Variants in SP2 observed in about 807,000 individuals in gnomAD.
The protein encoded by SP2 is Sp2 transcription factor, also known as transcription factor Sp2.
A neutral mutation model predicts 50.1 loss-of-function variants in SP2; 9 were observed. The observed-to-expected ratio is 0.18, with a 90% CI of 0.11 to 0.31. SP2 has a LOEUF of 0.31. Ranked by LOEUF, SP2 falls within the 10% of genes least tolerant of loss-of-function variation. The probability of loss-of-function intolerance (pLI) is 1.00; values close to 1 mark genes in which losing one functional copy is unlikely to be tolerated. For synonymous variants in SP2, 313 were observed against 326.6 expected, an observed-to-expected ratio of 0.96 and a Z score of 0.45; for missense variants, 581 against 806.5, an observed-to-expected ratio of 0.72 and a Z score of 3.39.
intron 4 of SP2, among the ~76,000 whole-genome samples, chr17:47,923,811 T>TGACAATG: frequency 2.0e-5 from 3 of 151,632 alleles, no homozygotes; most frequent in Admixed American, 1.3e-4. Flanking sequence ...TGGTGCGATC[T>TGACAATG]CTGCTTCAGC....
At chr17:47,913,717 T>C (rs1376418127) in intron 1 of SP2, among the ~76,000 whole-genome samples, 1 of 152,142 alleles carries the variant, frequency 6.6e-6, no homozygotes, top group Non-Finnish European at 1.5e-5. Flanking sequence ...CTCTTTTGGA[T>C]GACTTAAGTG....
At chr17:47,925,258 A>G (rs922666411) in intron 5 of SP2, 90 bp from the exon 6 acceptor site, 9 of 1,428,008 alleles carry the variant, frequency 6.3e-6, no homozygotes, top group African/African-American at 5.6e-5. Context: ...CTGACCCCAC[A>G]TCCTCACTGC....
In SP2 at chr17:47,925,537, C is replaced by T. The variant is rs774050794; in HGVS notation, c.1737C>T (p.His579=). The T allele has an allele frequency of 2.5e-6, 4 of 1,613,382 alleles. No homozygotes were observed. Among genetic ancestry groups the T allele is most frequent in the Non-Finnish European group, 3.4e-6 (4 of 1,179,672 alleles). The change falls in exon 6 of 7, where the codon CAC becomes CAT. Residue 579 remains histidine (H), a synonymous_variant. Transcript: ENST00000376741. ...AGCTCCAACGGCATGCTCGCACCCACACAGGTCAGCCCCCTGCCTTCGGGA... is the reference window on the plus strand; with the variant it reads ...AGCTCCAACGGCATGCTCGCACCCATACAGGTCAGCCCCCTGCCTTCGGGA... ...SDELQRHART[H]TGDKRFECAQ... is the part of the protein sequence containing the mutation.
downstream of SP2, among the ~76,000 whole-genome samples, chr17:47,929,473 G>C (rs1388898945): frequency 6.6e-6 from 1 of 152,232 alleles, no homozygotes; most frequent in Admixed American, 6.5e-5. Context: ...GTTCCTGGGA[G>C]GGCTTGGCAG....
intron 1 of SP2, among the ~76,000 whole-genome samples, chr17:47,902,930 A>G (rs1229377517): frequency 6.6e-6 from 1 of 151,990 alleles, no homozygotes; most frequent in African/African-American, 2.4e-5. Flanking sequence ...TAATTTTTGT[A>G]TTTTTAGTAG....
chr17:47,912,403 C>T (rs2035026803), intron 1 of SP2, among the ~76,000 whole-genome samples: 1 of 151,770 alleles, frequency 6.6e-6, no homozygotes, highest in Non-Finnish European at 1.5e-5. Flanking sequence ...GCTTTCTTAC[C>T]AGCTCATCAC....
downstream of SP2, among the ~76,000 whole-genome samples, chr17:47,930,868 T>A (rs1298876418): frequency 1.3e-5 from 2 of 152,148 alleles, no homozygotes; most frequent in Non-Finnish European, 1.5e-5. Context: ...CAGCTGACAC[T>A]TGGCATTGTG....
chr17:47,909,888 C>A lies in SP2; in HGVS notation c.8-5424C>A, dbSNP rs1015483063. On this transcript the variant is annotated intron_variant, in intron 1 of 6. Transcript: ENST00000376741. ...TTTGATACCGAGTCTTGCTCTGTTA[C>A]CCAGGCTGGAGTGCAGTGGCACCAT... Among the ~76,000 whole-genome samples the A allele has an allele frequency of 6.3e-4, 96 of 152,170 alleles. 4 individuals are homozygous for A. Among genetic ancestry groups the A allele is most frequent in the Non-Finnish European group, 1.5e-5 (1 of 68,028 alleles).
At chr17:47,909,973 A>C (rs1191651794) in intron 1 of SP2, among the ~76,000 whole-genome samples, 1 of 152,108 alleles carries the variant, frequency 6.6e-6, no homozygotes, top group Non-Finnish European at 1.5e-5. Context: ...TCAGCCTCCC[A>C]AGTAGCTGGG....
intron 1 of SP2, 61 bp downstream of exon 1, chr17:47,896,354 G>A (rs1015683301): frequency 1.6e-6 from 2 of 1,222,638 alleles, no homozygotes; most frequent in Admixed American, 4.2e-5. Flanking sequence ...AAGACGGGCA[G>A]AGGCCGCGGG....
chr17:47,918,394 G>GTTA (rs2035299391), intron 3 of SP2: 1 of 152,070 alleles, frequency 6.6e-6, no homozygotes, highest in Non-Finnish European at 1.5e-5. Flanking sequence ...ATGTTGCCAG[G>GTTA]TGATTTTTTA....
chr17:47,899,186 G>A (rs2143752922), intron 1 of SP2: 1 of 152,290 alleles, frequency 6.6e-6, no homozygotes, highest in South Asian at 2.1e-4. Context: ...TTTCTGAAAT[G>A]TAGTTGAGTG....
At chr17:47,929,196 G>T (rs1210955819), downstream of SP2, among the ~76,000 whole-genome samples, 2 of 152,270 alleles carry the variant, frequency 1.3e-5, no homozygotes, top group African/African-American at 4.8e-5. Context: ...AGGTGTTCCT[G>T]CCTTTTTCTT....
chr17:47,916,044 G>A lies in SP2; in HGVS notation c.85-112G>A, dbSNP rs1036806017. ...AGGGTACTGGCAACATGCCTGCCCC[G>A]GAGGTGGGGAAGACTGGCGTGGAAT... On this transcript the variant is annotated intron_variant, in intron 2 of 6. Coordinates refer to ENST00000376741, the MANE Select transcript of SP2 (RefSeq NM_003110.6). The surrounding 1 kb of genome is among the most constrained non-coding windows in gnomAD (Gnocchi z 4.7). The A allele has an allele frequency of 1.2e-5, 16 of 1,280,222 alleles. No homozygotes were observed. The highest frequency in any genetic ancestry group is 7.0e-5 in the East Asian group (3 of 43,112). The allele number at this position is 1,280,222 out of a possible 1,614,324, so 79.3% of individuals were successfully genotyped here. A position where few individuals can be genotyped will look rare whatever the true frequency, so the allele number is the denominator to read the frequency against.
chr17:47,896,340 C>T, intron 1 of SP2, 47 bp downstream of exon 1: 1 of 1,232,982 alleles, frequency 8.1e-7, no homozygotes. Context: ...CCCCAAGGGT[C>T]AGGAAGACGG....
intron 3 of SP2, among the ~76,000 whole-genome samples, chr17:47,920,764 T>G (rs2035423729): frequency 6.6e-6 from 1 of 152,222 alleles, no homozygotes; most frequent in Non-Finnish European, 1.5e-5. Context: ...CTCATTCTTT[T>G]TTTTTATAAA....
chr17:47,922,939 T>A, intron 3 of SP2, 23 bp from the exon 4 acceptor site: 2 of 1,592,382 alleles, frequency 1.3e-6, no homozygotes, highest in Non-Finnish European at 1.7e-6. Context: ...AGGCACTGAT[T>A]TTTTTTCTCT....
intron 1 of SP2, 131 bp downstream of exon 1, chr17:47,896,424 T>G: frequency 1.4e-6 from 1 of 725,728 alleles, no homozygotes; most frequent in Non-Finnish European, 1.9e-6. Context: ...GGGGCCCGGC[T>G]TCAGGAGGGG....
rs565058142 is a variant in SP2 at position 47,928,168 on chromosome 17, C to A, written c.*344C>A. On this transcript the variant is annotated 3_prime_UTR_variant, in exon 7 of 7. Transcript: ENST00000376741. ...CGAGGAGCAAAGTGAGCCCCTACCC[C>A]CCACCCCGATCCCCGCTCCCAACAC... is the stretch of plus-strand genomic sequence containing the variant. The A allele has an allele frequency of 1.6e-4, 33 of 208,432 alleles. No homozygotes were observed. The highest frequency in any genetic ancestry group is 2.0e-4 in the Non-Finnish European group (20 of 98,992). The allele number at this position is 208,432 out of a possible 1,614,324, so 12.9% of individuals were successfully genotyped here. A position where few individuals can be genotyped will look rare whatever the true frequency, so the allele number is the denominator to read the frequency against.
Sources: gnomAD v4.1 joint callset for allele counts (sites outside exome capture counted in the v4.1 genomes callset) on GRCh38, gnomAD v4.1.1 for gene constraint, Gnocchi (gnomAD v3.1) non-coding constraint, MANE v1.5 for transcripts, NCBI Gene and HGNC (gene_info 2026-07-23, HGNC 2026-07-21) for gene names.